Variants in PIGG observed in about 807,000 individuals in gnomAD.
PIGG encodes the protein phosphatidylinositol glycan anchor biosynthesis class G (EMM blood group), also known as GPI ethanolamine phosphate transferase 2, catalytic subunit.
A neutral mutation model predicts 83.2 loss-of-function variants in PIGG; 70 were observed. The observed-to-expected ratio is 0.84, with a 90% confidence interval of 0.69 to 1.03. PIGG has a LOEUF of 1.03. PIGG is among the 50% of genes least tolerant of loss of function. The pLI is 0.00. For missense variants in PIGG, 1,257 were observed against 1,233.6 expected (o/e 1.02, Z -0.28); for synonymous variants, 532 against 519.5 (o/e 1.02, Z -0.33).
chr4:514,692 C>T (rs201034930), intron 5 of PIGG, among the ~76,000 whole-genome samples: 11 of 152,174 alleles, frequency 7.2e-5, no homozygotes, highest in East Asian at 5.8e-4. Flanking sequence ...TGTAAAATGA[C>T]TTCTTAGGTC....
Position 527,119 on chromosome 4 carries a change from C to A in PIGG, c.2150C>A (p.Ser717Tyr), listed in dbSNP as rs117059276. The change falls in exon 10 of 13, where the codon TCC (serine) becomes TAC (tyrosine). Residue 717 changes from serine to tyrosine, a missense_variant. By Grantham distance (144) the Ser-to-Tyr change is moderately radical. Transcript: ENST00000453061. ...VVFVLVQRGC[S>Y]PVSKAALALG... ...TTTGTGCTGGTGCAGAGGGGGTGCT[C>A]CCCTGTGTCCAAGGCTGCCCTGGCG... 7.7e-4 allele frequency: 1,235 copies of A among 1,614,170 alleles called. 15 individuals are homozygous for A. In the East Asian group the frequency reaches 0.025, roughly 33 times the overall value.
At chr4:514,509 C>A (rs920419905) in intron 5 of PIGG, among the ~76,000 whole-genome samples, 11 of 152,310 alleles carry the variant, frequency 7.2e-5, no homozygotes, top group Non-Finnish European at 1.3e-4. Context: ...GACCTACAGT[C>A]AGCGATTTCT....
At position 505,650 on chromosome 4, in the gene PIGG, T is replaced by A. The variant is rs57099085; in HGVS notation, c.361-68T>A. 188,265 of 968,724 alleles carry A rather than the reference T, an allele frequency of 0.19. 21,495 individuals carry two copies. Among genetic ancestry groups the A allele is most frequent in the South Asian group, 0.23 (15,070 of 66,774 alleles). The allele number at this position is 968,724 out of a possible 1,614,324, so 60.0% of individuals were successfully genotyped here. On this transcript the variant is annotated intron_variant, in intron 2 of 12. Transcript: ENST00000453061. ...CCTGTCTCAAAAAAAAAAAAAAAAA[T>A]CTTCAGTGCCCTTTTCATGCTCCGG... is the stretch of plus-strand genomic sequence containing the variant.
chr4:504,663 G>A (rs1410707965), intron 2 of PIGG, among the ~76,000 whole-genome samples: 7 of 152,164 alleles, frequency 4.6e-5, no homozygotes, highest in Admixed American at 2.0e-4. Context: ...TTCACCTGCT[G>A]ATGTTACCCA....
chr4:521,570 C>A, intron 7 of PIGG, 90 bp from the exon 8 acceptor site: 2 of 1,231,178 alleles, frequency 1.6e-6, no homozygotes, highest in Non-Finnish European at 2.3e-6. Context: ...ACTGTGTGGA[C>A]AGCTGACACG....
rs1722709936 is a variant in PIGG, at chr4:513,016, C to T, written c.902-2957C>T. On this transcript the variant is annotated intron_variant, in intron 5 of 12. Transcript: ENST00000453061. ...TCTGTGTTCTGGGCTGCACCCACCA[C>T]AGGAGAGTTTCTGCCCCACTGGGCT... Among the ~76,000 whole-genome samples, 6 of 152,122 alleles carry T rather than the reference C, an allele frequency of 3.9e-5. No homozygotes were observed. The South Asian group carries it at 1.0e-3, about 26-fold the overall frequency.
chr4:524,259 GCCTGGGCTGTGTGCCCCCC>G (rs1296313921), intron 9 of PIGG, among the ~76,000 whole-genome samples: 3 of 152,264 alleles, frequency 2.0e-5, no homozygotes, highest in Non-Finnish European at 4.4e-5. Context: ...CCTCGTCCAT[GCCTGGGCTGTGTGCCCCCC>G]GCCCATCACT....
chr4:527,446 TTA>T, intron 10 of PIGG: 1 of 1,310,356 alleles, frequency 7.6e-7, no homozygotes, highest in South Asian at 2.4e-5. Context: ...TTAGCACTTT[TTA>T]TGTTTTATGT....
rs373360708 is a variant in PIGG at position 505,843 on chromosome 4, A to G, written c.486A>G (p.Gly162=). The G allele has an allele frequency of 6.2e-7, 1 of 1,613,352 alleles. No homozygotes were observed. Among genetic ancestry groups the G allele is most frequent in the Non-Finnish European group, 8.5e-7 (1 of 1,179,734 alleles). The change falls in exon 3 of 13, where the codon GGA becomes GGG. Residue 162 remains glycine (G), a synonymous_variant. Coordinates refer to ENST00000453061, the MANE Select transcript of PIGG (RefSeq NM_001127178.3). ...CTGGAAAAAGAATAGTCTTTTATGG[A>G]GATGAAACCTGGGTTAAATTATTCC... The part of the protein sequence containing the change: ...KAAGKRIVFY[G]DETWVKLFPK...
Position 500,460 on chromosome 4 carries a change from A to G in PIGG, c.219A>G (p.Ile73Met). ...PLFSKVVIVLIDALRDDFVFG... is the reference protein window; with the variant it reads ...PLFSKVVIVLMDALRDDFVFG... ...TCAGTAAAGTTGTTATTGTTCTGAT[A>G]GATGCCTTGAGAGATGATTTTGTGT... Residue 73 changes from isoleucine to methionine, a missense_variant, in exon 2 of 13, where the codon ATA (isoleucine) becomes ATG (methionine). Coordinates refer to ENST00000453061, the MANE Select transcript of PIGG (RefSeq NM_001127178.3). 3 of 1,613,782 alleles carry G rather than the reference A, an allele frequency of 1.9e-6. No homozygotes were observed. Among genetic ancestry groups the G allele is most frequent in the Non-Finnish European group, 8.5e-7 (1 of 1,179,698 alleles).
intron 6 of PIGG, among the ~76,000 whole-genome samples, chr4:520,137 C>A (rs939302210): frequency 1.3e-5 from 2 of 152,198 alleles, no homozygotes; most frequent in Non-Finnish European, 2.9e-5. Context: ...TGATAGCAGG[C>A]CTGGGGCATG....
intron 9 of PIGG, 40 bp from the exon 10 acceptor site, chr4:526,999 G>C (rs199904734): frequency 6.2e-7 from 1 of 1,612,858 alleles, no homozygotes; most frequent in Admixed American, 1.7e-5. Flanking sequence ...TCTTGTCGCT[G>C]TTTGTTTACG....
At chr4:516,391 C>G (rs543594953) in intron 6 of PIGG, among the ~76,000 whole-genome samples, 57 of 152,218 alleles carry the variant, frequency 3.7e-4, no homozygotes, top group Non-Finnish European at 6.8e-4. Context: ...ATCTAAAGTT[C>G]TTTCATAAAT....
intron 6 of PIGG, among the ~76,000 whole-genome samples, chr4:519,657 C>T (rs932797940): frequency 1.3e-5 from 2 of 152,250 alleles, no homozygotes; most frequent in Non-Finnish European, 2.9e-5. Flanking sequence ...TGGCTACTGG[C>T]ACTTAGTGCA....
Position 515,973 on chromosome 4 carries a change from G to A in PIGG, c.902G>A (p.Gly301Asp). 1 of 1,612,450 alleles carries A rather than the reference G, an allele frequency of 6.2e-7. No individual in the cohort carries two copies. The highest frequency in any genetic ancestry group is 8.5e-7 in the Non-Finnish European group (1 of 1,178,450). Reference sequence around the variant, plus strand: ...ACTTAAAATGTTTTCTTTCTTCTAGGTGATATCCGACATCCAAAGCACGTC... The same window carrying A: ...ACTTAAAATGTTTTCTTTCTTCTAGATGATATCCGACATCCAAAGCACGTC... ...LISSAFERKP[G>D]DIRHPKHVQQ... is the part of the protein sequence containing the mutation. The change falls in exon 6 of 13, where the codon GGT (glycine) becomes GAT (aspartate). Residue 301 changes from glycine to aspartate, a missense_variant and splice_region_variant. Coordinates refer to ENST00000453061, the MANE Select transcript of PIGG (RefSeq NM_001127178.3). The surrounding 1 kb of genome is among the most constrained non-coding windows in gnomAD (Gnocchi z 4.2).
Position 530,578 on chromosome 4 carries a change from GTTC to G in PIGG, c.2409_2411del (p.Leu804del). On this transcript the variant is annotated inframe_deletion, in exon 11 of 13. Transcript: ENST00000453061. ...TTTATGGGAGATATATAGTGGATTA[GTTC>G]TTCTGGCAGCCTTGCTCTTTAGACC... 2 of 1,614,014 alleles carry G rather than the reference GTTC, an allele frequency of 1.2e-6. No individual in the cohort carries two copies. The highest frequency in any genetic ancestry group is 2.2e-5 in the East Asian group (1 of 44,872).
intron 12 of PIGG, among the ~76,000 whole-genome samples, chr4:534,906 C>T (rs1023280431): frequency 4.6e-5 from 7 of 152,258 alleles, no homozygotes; most frequent in South Asian, 2.1e-4. Context: ...TCCACATGCC[C>T]GTCTCCTGGC....
At chr4:508,280 G>C (rs1232804937) in intron 4 of PIGG, among the ~76,000 whole-genome samples, 1 of 152,314 alleles carries the variant, frequency 6.6e-6, no homozygotes, top group South Asian at 2.1e-4. Flanking sequence ...AGGGAGGGAG[G>C]GGCAGACCAT....
At chr4:535,964 A>G (rs971474527) in intron 12 of PIGG, among the ~76,000 whole-genome samples, 2 of 152,158 alleles carry the variant, frequency 1.3e-5, no homozygotes, top group African/African-American at 4.8e-5. Flanking sequence ...GACAGGACTG[A>G]GGAGCCCTTT....
Sources: gnomAD v4.1 joint callset for allele counts (sites outside exome capture counted in the v4.1 genomes callset) on GRCh38, gnomAD v4.1.1 for gene constraint, Gnocchi (gnomAD v3.1) non-coding constraint, MANE v1.5 for transcripts, NCBI Gene and HGNC (gene_info 2026-07-23, HGNC 2026-07-21) for gene names.